Variants in MAGEC3 observed in about 807,000 individuals in gnomAD.
MAGEC3 encodes the protein melanoma-associated antigen C3.
Under a neutral mutation model 35.3 loss-of-function variants are expected in MAGEC3, and 34 were observed. The ratio of observed to expected loss-of-function variants is 0.96; its 90% CI spans 0.73 to 1.28. The LOEUF is 1.28. Among genes scored for constraint, MAGEC3 ranks in the 50% most tolerant of loss-of-function variants. MAGEC3 has a pLI of 0.00. For synonymous variants in MAGEC3, 202 were observed against 185.6 expected (o/e 1.09, Z -0.72); for missense variants, 561 against 483.6 (o/e 1.16, Z -1.50).
At position 141,897,012 on chromosome X, in the gene MAGEC3, C is replaced by G. The variant is rs2018103892; in HGVS notation, c.1254C>G (p.Ser418=). The change falls in exon 7 of 8, where the codon TCC becomes TCG. Residue 418 remains serine, a synonymous_variant. Coordinates refer to ENST00000298296, the MANE Select transcript of MAGEC3 (RefSeq NM_138702.1). ...GTCCTCCCCAGAGTCCTCTAGACTC[C>G]TGCTCATCCCCTCTTTTGTGGACCC... ...PQSPPQSPLD[S]CSSPLLWTRL... 2 of 1,210,598 alleles carry G rather than the reference C, an allele frequency of 1.7e-6. No individual in the cohort carries two copies. The highest frequency in any genetic ancestry group is 2.2e-6 in the Non-Finnish European group (2 of 894,950).
chrX:141,869,822 A>T (rs1303508623), intron 2 of MAGEC3, among the ~76,000 whole-genome samples: 1 of 112,427 alleles, frequency 8.9e-6, no homozygotes, highest in Non-Finnish European at 1.9e-5. Flanking sequence ...TTTAATTATG[A>T]TTAATAGCAC....
chrX:141,850,440 G>A (rs1295330839), intron 1 of MAGEC3, among the ~76,000 whole-genome samples: 1 of 111,410 alleles, frequency 9.0e-6, no homozygotes, highest in Non-Finnish European at 1.9e-5. Context: ...TGCCAGATAG[G>A]CAAATAAGCT....
intron 2 of MAGEC3, among the ~76,000 whole-genome samples, chrX:141,875,440 G>A (rs886411427): frequency 1.8e-5 from 2 of 111,201 alleles, no homozygotes; most frequent in South Asian, 3.9e-4. Context: ...AAACCTGTGC[G>A]CAAAACATCT....
Position 141,839,806 on chromosome X carries a change from T to A in MAGEC3, c.123+1368T>A, listed in dbSNP as rs191671583. 3 of 582,754 alleles carry A rather than the reference T, an allele frequency of 5.1e-6. No individual in the cohort carries two copies. In the African/African-American group the frequency reaches 7.5e-5, roughly 15 times the overall value. 48.0% of individuals were successfully genotyped at this position (582,754 alleles called of 1,213,427 possible). The stretch of plus-strand genomic sequence containing the variant: ...TTGCCACTTAGGGGATACTTGCCAA[T>A]ATCTAGAAATATTGTTGGTTGTCAT... On this transcript the variant is annotated intron_variant, in intron 1 of 7. Transcript: ENST00000298296.
At chrX:141,869,710 TTGTC>T (rs1422370705) in intron 2 of MAGEC3, among the ~76,000 whole-genome samples, 2 of 112,017 alleles carry the variant, frequency 1.8e-5, no homozygotes, top group African/African-American at 3.2e-5. Context: ...AAAATAACGA[TTGTC>T]TGTAAATAAC....
chrX:141,857,217 G>T (rs992825699), intron 1 of MAGEC3, among the ~76,000 whole-genome samples: 2 of 110,585 alleles, frequency 1.8e-5, no homozygotes, highest in African/African-American at 6.6e-5. Context: ...TCAGAACTTG[G>T]CATTGATAAG....
At chrX:141,879,525 G>A in intron 3 of MAGEC3, 94 bp downstream of exon 3, 5 of 1,030,083 alleles carry the variant, frequency 4.9e-6, no homozygotes, top group East Asian at 3.4e-5. Flanking sequence ...AAGGGTCGGG[G>A]AGGTAGGCAG....
rs760711028 is a variant in MAGEC3, at chrX:141,895,306, C to T, written c.947C>T (p.Ser316Phe). Residue 316 changes from serine to phenylalanine, a missense_variant, in exon 5 of 8, where the codon TCC (serine) becomes TTC (phenylalanine). Transcript: ENST00000298296. Reference sequence around the variant, plus strand: ...TTGGCAGGGTTCGCGGATGTGCTTTCCCGACTTGCACTGTGGGAGTCTGAA... The same window carrying T: ...TTGGCAGGGTTCGCGGATGTGCTTTTCCGACTTGCACTGTGGGAGTCTGAA... ...SALAGFADVL[S>F]RLALWESEGP... The T allele has an allele frequency of 1.7e-6, 2 of 1,210,848 alleles. No individual in the cohort carries two copies. Among genetic ancestry groups the T allele is most frequent in the East Asian group, 5.9e-5 (2 of 33,766 alleles).
At chrX:141,853,330 G>A (rs765257566) in intron 1 of MAGEC3, among the ~76,000 whole-genome samples, 3 of 111,127 alleles carry the variant, frequency 2.7e-5, no homozygotes, top group Admixed American at 9.6e-5. Flanking sequence ...TATTCCCTTT[G>A]ATATAGCCTG....
chrX:141,868,120 CT>C (rs1392182864), intron 2 of MAGEC3, among the ~76,000 whole-genome samples: 1 of 107,086 alleles, frequency 9.3e-6, no homozygotes, highest in African/African-American at 3.4e-5. Context: ...GAGACTCCGC[CT>C]TCAAAAAAAA....
At chrX:141,889,934 A>G (rs2018029081) in intron 4 of MAGEC3, among the ~76,000 whole-genome samples, 1 of 112,770 alleles carries the variant, frequency 8.9e-6, no homozygotes, top group Admixed American at 9.3e-5. Context: ...TCTTTAGTTA[A>G]AAACATGTTT....
intron 4 of MAGEC3, among the ~76,000 whole-genome samples, chrX:141,882,373 C>T (rs190821831): frequency 3.6e-5 from 4 of 111,605 alleles, no homozygotes; most frequent in African/African-American, 9.8e-5. Flanking sequence ...ATTAGTCACA[C>T]ATATATTGCT....
At chrX:141,859,318 T>A (rs2017801061) in intron 1 of MAGEC3, among the ~76,000 whole-genome samples, 1 of 111,611 alleles carries the variant, frequency 9.0e-6, no homozygotes, top group Non-Finnish European at 1.9e-5. Context: ...TATTTAATTG[T>A]TTGATGAGTG....
chrX:141,882,573 C>T (rs138718146), intron 4 of MAGEC3, among the ~76,000 whole-genome samples: 288 of 111,919 alleles, frequency 2.6e-3, no homozygotes, highest in African/African-American at 8.3e-3. Context: ...TTCCTTATCC[C>T]GTTTATACTG....
intron 4 of MAGEC3, chrX:141,894,633 A>T: frequency 1.0e-6 from 1 of 965,360 alleles, no homozygotes; most frequent in Non-Finnish European, 1.3e-6. Context: ...TTCCCACCTC[A>T]TTTCAGACAC....
chrX:141,840,347 A>C (rs1285009244), intron 1 of MAGEC3, among the ~76,000 whole-genome samples: 1 of 112,492 alleles, frequency 8.9e-6, no homozygotes, highest in Non-Finnish European at 1.9e-5. Flanking sequence ...GTCATAAAAT[A>C]TCATTTAATT....
At chrX:141,840,416 C>T (rs2017678963) in intron 1 of MAGEC3, among the ~76,000 whole-genome samples, 1 of 111,912 alleles carries the variant, frequency 8.9e-6, no homozygotes, top group African/African-American at 3.2e-5. Context: ...GTGAAAGTTA[C>T]ATTTAGCACA....
At chrX:141,880,701 G>A (rs2017956133) in intron 3 of MAGEC3, 1 of 511,621 alleles carries the variant, frequency 2.0e-6, no homozygotes, top group Non-Finnish European at 3.2e-6. Context: ...CATTCCTGGT[G>A]CCTCAGGCTC....
At chrX:141,858,629 A>C (rs1207411066) in intron 1 of MAGEC3, among the ~76,000 whole-genome samples, 1 of 110,628 alleles carries the variant, frequency 9.0e-6, no homozygotes, top group Non-Finnish European at 1.9e-5. Context: ...AATTCTCCCA[A>C]CTTAGCATCT....
Sources: gnomAD v4.1 joint callset for allele counts (sites outside exome capture counted in the v4.1 genomes callset) on GRCh38, gnomAD v4.1.1 for gene constraint, MANE v1.5 for transcripts, NCBI Gene and HGNC (gene_info 2026-07-23, HGNC 2026-07-21) for gene names.